Variants in CDCA7L observed in about 807,000 individuals in gnomAD.
The protein encoded by CDCA7L is cell division cycle associated 7 like, also known as cell division cycle-associated 7-like protein.
A neutral mutation model predicts 57.4 loss-of-function variants in CDCA7L; 44 were observed. That is an observed-to-expected ratio of 0.77 (90% CI 0.60 to 0.98). The LOEUF (loss-of-function observed/expected upper bound fraction) is 0.98, where lower values mean the gene tolerates loss of function less well. Ranked by LOEUF, CDCA7L falls within the 50% of genes least tolerant of loss-of-function variation. The pLI is 0.00. For missense variants in CDCA7L, 644 were observed against 580.6 expected (o/e 1.11, Z -1.12); for synonymous variants, 236 against 202.8 (o/e 1.16, Z -1.39).
intron 2 of CDCA7L, among the ~76,000 whole-genome samples, chr7:21,912,806 G>C (rs1367837822): frequency 6.6e-6 from 1 of 152,160 alleles, no homozygotes; most frequent in Non-Finnish European, 1.5e-5. Context: ...GGTGGCAAGT[G>C]AGCAGAAGGA....
chr7:21,903,565 A>C (rs1785018437), intron 8 of CDCA7L, among the ~76,000 whole-genome samples: 1 of 152,184 alleles, frequency 6.6e-6, no homozygotes, highest in Non-Finnish European at 1.5e-5. Flanking sequence ...ACTGCTGCCT[A>C]AGAGGTCACA....
At chr7:21,906,708 T>C in intron 4 of CDCA7L, 69 bp from the exon 5 acceptor site, 1 of 1,436,442 alleles carries the variant, frequency 7.0e-7, no homozygotes, top group Non-Finnish European at 9.8e-7. Flanking sequence ...CCAACACCTA[T>C]CTCAAGTCTT....
Position 21,901,484 on chromosome 7 carries a change from A to C in CDCA7L, c.*838T>G, listed in dbSNP as rs539683855. ...CAGTTACTCAGGAGGTAGGAGAATC[A>C]CTTGAACCTAGGAGGCAAAGGTTGC... On this transcript the variant is annotated 3_prime_UTR_variant, in exon 10 of 10. Transcript: ENST00000406877. The C allele has an allele frequency of 2.2e-6, 1 of 447,528 alleles. No individual in the cohort carries two copies. Among genetic ancestry groups the C allele is most frequent in the Non-Finnish European group, 3.4e-6 (1 of 291,144 alleles). 27.7% of individuals were successfully genotyped at this position (447,528 alleles called of 1,614,324 possible).
rs1375156859 is a variant in CDCA7L at position 21,901,031 on chromosome 7, G to A, written c.*1291C>T. On this transcript the variant is annotated 3_prime_UTR_variant, in exon 10 of 10. Coordinates refer to ENST00000406877, the MANE Select transcript of CDCA7L (RefSeq NM_018719.5). ...GGCGCCCGCTGGGACACCCAAGCAG[G>A]AACCATTGTTGAAGCCCGTCTCAAG... 3 of 1,609,540 alleles carry A rather than the reference G, an allele frequency of 1.9e-6. No individual in the cohort carries two copies. Among genetic ancestry groups the A allele is most frequent in the Admixed American group, 1.7e-5 (1 of 59,364 alleles).
chr7:21,930,226 C>A lies in CDCA7L; in HGVS notation c.25-13332G>T, dbSNP rs180747851. Among the ~76,000 whole-genome samples the A allele has an allele frequency of 2.3e-3, 350 of 152,198 alleles. 7 individuals are homozygous for A. Among genetic ancestry groups the A allele is most frequent in the Admixed American group, 0.021 (325 of 15,294 alleles). Reference sequence around the variant, plus strand: ...CTGCTCCTGAATGACTACAGGGTAACTAACGAAATCAAGACAGAAATAAAT... The same window carrying A: ...CTGCTCCTGAATGACTACAGGGTAAATAACGAAATCAAGACAGAAATAAAT... On this transcript the variant is annotated intron_variant, in intron 1 of 9. Transcript: ENST00000406877.
intron 1 of CDCA7L, among the ~76,000 whole-genome samples, chr7:21,938,201 A>C (rs578186442): frequency 6.6e-6 from 1 of 152,220 alleles, no homozygotes; most frequent in Admixed American, 6.5e-5. Flanking sequence ...AACTCACTTA[A>C]CAACTACAAA....
intron 2 of CDCA7L, among the ~76,000 whole-genome samples, chr7:21,914,787 A>G (rs1785430830): frequency 6.6e-6 from 1 of 152,196 alleles, no homozygotes; most frequent in East Asian, 1.9e-4. Flanking sequence ...GCAGCTTCCC[A>G]GGGAGGTCTG....
chr7:21,918,556 G>T (rs1785559397), intron 1 of CDCA7L, among the ~76,000 whole-genome samples: 1 of 152,140 alleles, frequency 6.6e-6, no homozygotes. Context: ...AAGAAGCTGG[G>T]TCACTTGACT....
intron 1 of CDCA7L, among the ~76,000 whole-genome samples, chr7:21,926,199 A>G (rs1003258746): frequency 2.6e-5 from 4 of 151,448 alleles, no homozygotes; most frequent in Admixed American, 6.6e-5. Context: ...CTGTTTTTCT[A>G]TAACTATATA....
intron 1 of CDCA7L, among the ~76,000 whole-genome samples, chr7:21,943,094 T>G (rs1021892949): frequency 6.6e-6 from 1 of 152,216 alleles, no homozygotes. Context: ...AAGCTGGAGC[T>G]CCCATGAGCT....
At chr7:21,936,413 G>C (rs1159195375) in intron 1 of CDCA7L, among the ~76,000 whole-genome samples, 1 of 152,100 alleles carries the variant, frequency 6.6e-6, no homozygotes, top group African/African-American at 2.4e-5. Flanking sequence ...ACTGATACAA[G>C]AATACTCAAC....
intron 1 of CDCA7L, 58 bp from the exon 2 acceptor site, chr7:21,916,952 G>T: frequency 6.3e-7 from 1 of 1,596,940 alleles, no homozygotes; most frequent in Non-Finnish European, 8.6e-7. Flanking sequence ...ATCACTTAGG[G>T]ACATTTTCTG....
intron 2 of CDCA7L, among the ~76,000 whole-genome samples, chr7:21,915,051 C>G (rs1461776883): frequency 1.3e-5 from 2 of 152,172 alleles, no homozygotes; most frequent in South Asian, 2.1e-4. Flanking sequence ...AAGGGAGGAG[C>G]TGACCGGAGG....
At chr7:21,903,973 A>T (rs1171688669) in intron 8 of CDCA7L, 137 bp downstream of exon 8, 15 of 720,288 alleles carry the variant, frequency 2.1e-5, no homozygotes, top group Non-Finnish European at 2.9e-5. Context: ...TTTTCCCTGG[A>T]GCCTTAAGAT....
chr7:21,911,769 C>G lies in CDCA7L; in HGVS notation c.166-15G>C. The G allele has an allele frequency of 6.2e-7, 1 of 1,608,560 alleles. No homozygotes were observed. Among genetic ancestry groups the G allele is most frequent in the Non-Finnish European group, 8.5e-7 (1 of 1,178,248 alleles). ...CGCACATCCTGCTAAATTAAAGACACACATACATCAGAGACGGAAAGTAGA... is the reference window on the plus strand; with the variant it reads ...CGCACATCCTGCTAAATTAAAGACAGACATACATCAGAGACGGAAAGTAGA... On this transcript the variant is annotated splice_polypyrimidine_tract_variant and intron_variant, in intron 2 of 9. Transcript: ENST00000406877.
At chr7:21,909,647 C>G (rs1210708223) in intron 3 of CDCA7L, among the ~76,000 whole-genome samples, 2 of 152,260 alleles carry the variant, frequency 1.3e-5, no homozygotes, top group East Asian at 3.9e-4. Context: ...TTAATAGCTT[C>G]AGAATTCAAA....
In CDCA7L at chr7:21,911,697, C is replaced by T. The variant is rs1337631936; in HGVS notation, c.223G>A (p.Glu75Lys). 1.2e-6 allele frequency: 2 copies of T among 1,613,860 alleles called. No individual in the cohort carries two copies. Among genetic ancestry groups the T allele is most frequent in the Non-Finnish European group, 1.7e-6 (2 of 1,179,936 alleles). Reference protein sequence around the residue: ...FTEELRRIFIEDTDSETEDFA... With the variant: ...FTEELRRIFIKDTDSETEDFA... Reference sequence around the variant, plus strand: ...TCCTCAGTCTCTGAGTCAGTGTCCTCTATAAAAATTCTTCTTAGCTCTTCT... The same window carrying T: ...TCCTCAGTCTCTGAGTCAGTGTCCTTTATAAAAATTCTTCTTAGCTCTTCT... The change falls in exon 3 of 10, where the codon GAG (glutamate) becomes AAG (lysine). Residue 75 changes from glutamate to lysine, a missense_variant. By Grantham distance (56) the Glu-to-Lys change is moderately conservative. Transcript: ENST00000406877.
At chr7:21,912,223 A>G (rs1006780495) in intron 2 of CDCA7L, among the ~76,000 whole-genome samples, 3 of 151,934 alleles carry the variant, frequency 2.0e-5, no homozygotes, top group African/African-American at 7.3e-5. Flanking sequence ...ACACCAATGC[A>G]CTCCAGCCTG....
intron 1 of CDCA7L, among the ~76,000 whole-genome samples, chr7:21,917,991 CACTG>C (rs1221509948): frequency 6.6e-6 from 1 of 152,202 alleles, no homozygotes; most frequent in African/African-American, 2.4e-5. Flanking sequence ...TTTTTCACAA[CACTG>C]ACTTTCTTTT....
Sources: gnomAD v4.1 joint callset for allele counts (sites outside exome capture counted in the v4.1 genomes callset) on GRCh38, gnomAD v4.1.1 for gene constraint, MANE v1.5 for transcripts, NCBI Gene and HGNC (gene_info 2026-07-23, HGNC 2026-07-21) for gene names.